The following CAMKMT variants were observed in gnomAD, a reference collection of about 807,000 sequenced individuals.
The protein encoded by CAMKMT is calmodulin-lysine N-methyltransferase.
In CAMKMT, 53 loss-of-function variants were observed where a neutral mutation model predicts 48.0. The observed-to-expected ratio is 1.10, with a 90% CI of 0.89 to 1.39. The LOEUF (loss-of-function observed/expected upper bound fraction) is 1.39. CAMKMT is among the 40% of genes most tolerant of loss of function. The probability of loss-of-function intolerance (pLI) is 0.00; values close to 1 mark genes in which losing one functional copy is unlikely to be tolerated. For missense variants in CAMKMT, 428 were observed against 402.7 expected (o/e 1.06, Z -0.54); for synonymous variants, 165 against 152.3 (o/e 1.08, Z -0.61).
intron 1 of CAMKMT, among the ~76,000 whole-genome samples, chr2:44,364,718 T>G (rs74331754): frequency 0.026 from 3,945 of 152,226 alleles, 189 homozygotes; most frequent in African/African-American, 0.091. Flanking sequence ...TAGTATTTAT[T>G]TTGTTGGTGC....
At chr2:44,447,225 G>C (rs1197222119) in intron 3 of CAMKMT, among the ~76,000 whole-genome samples, 1 of 152,200 alleles carries the variant, frequency 6.6e-6, no homozygotes, top group African/African-American at 2.4e-5. Flanking sequence ...CTAGTAAATA[G>C]AGAGAGTAGG....
intron 1 of CAMKMT, among the ~76,000 whole-genome samples, chr2:44,371,120 G>A (rs1239028639): frequency 6.6e-6 from 1 of 152,164 alleles, no homozygotes; most frequent in East Asian, 1.9e-4. Flanking sequence ...CATCAGCTGG[G>A]ATTACAGGCC....
At chr2:44,688,467 CATACATATATAT>C (rs1558797153) in intron 3 of CAMKMT, among the ~76,000 whole-genome samples, 1 of 151,686 alleles carries the variant, frequency 6.6e-6, no homozygotes, top group Non-Finnish European at 1.5e-5. Context: ...AGCCAGCTCT[CATACATATATAT>C]GTGTATATAT....
chr2:44,648,809 G>C (rs1221198085), intron 3 of CAMKMT, among the ~76,000 whole-genome samples: 1 of 152,112 alleles, frequency 6.6e-6, no homozygotes, highest in Admixed American at 6.5e-5. Context: ...ATCTCCACCA[G>C]CTTTCTCCCC....
intron 3 of CAMKMT, among the ~76,000 whole-genome samples, chr2:44,684,930 G>A (rs1356671938): frequency 6.6e-6 from 1 of 152,158 alleles, no homozygotes; most frequent in Non-Finnish European, 1.5e-5. Flanking sequence ...CTGGAGTAGA[G>A]AGACAGCATT....
At chr2:44,566,560 AC>A (rs1351988043) in intron 3 of CAMKMT, among the ~76,000 whole-genome samples, 2 of 152,174 alleles carry the variant, frequency 1.3e-5, no homozygotes, top group African/African-American at 4.8e-5. Context: ...CCATAAGGCC[AC>A]CGTGGGGGCT....
intron 3 of CAMKMT, among the ~76,000 whole-genome samples, chr2:44,623,217 T>C (rs1672292471): frequency 6.6e-6 from 1 of 152,170 alleles, no homozygotes; most frequent in South Asian, 2.1e-4. Context: ...TTATAGATTC[T>C]AGATATTAGG....
intron 3 of CAMKMT, among the ~76,000 whole-genome samples, chr2:44,414,634 T>A (rs142196129): frequency 3.3e-5 from 5 of 152,216 alleles, no homozygotes; most frequent in African/African-American, 1.2e-4. Context: ...ACTGCAGCCA[T>A]GTGGTGATCA....
Position 44,544,383 on chromosome 2 carries a change from T to G in CAMKMT, c.376+154078T>G, listed in dbSNP as rs538912210. On this transcript the variant is annotated intron_variant, in intron 3 of 10. Transcript: ENST00000378494. ...AGAGTCAATGGTTAAAGGACAAAAA[T>G]TCTACAATTGATTGAGTTACAAATG... 7.3e-4 allele frequency among the ~76,000 whole-genome samples: 111 copies of G among 152,290 alleles called. 1 individual carries two copies. The highest frequency in any genetic ancestry group is 2.6e-3 in the African/African-American group (107 of 41,572).
chr2:44,711,335 C>A (rs1677865599), intron 6 of CAMKMT, among the ~76,000 whole-genome samples: 1 of 152,274 alleles, frequency 6.6e-6, no homozygotes, highest in Admixed American at 6.5e-5. Flanking sequence ...CAATAGTGAA[C>A]AAGATAGGTC....
chr2:44,491,763 AC>A (rs1342056221), intron 3 of CAMKMT, among the ~76,000 whole-genome samples: 1 of 152,008 alleles, frequency 6.6e-6, no homozygotes, highest in East Asian at 1.9e-4. Context: ...TACCTATTGC[AC>A]CCCCTTAACC....
chr2:44,454,691 G>A (rs184979653), intron 3 of CAMKMT, among the ~76,000 whole-genome samples: 217 of 152,060 alleles, frequency 1.4e-3, no homozygotes, highest in Non-Finnish European at 2.8e-3. Context: ...CTCTTGGACG[G>A]CATAATGGCC....
intron 9 of CAMKMT, among the ~76,000 whole-genome samples, chr2:44,754,510 T>C (rs1680286305): frequency 6.6e-6 from 1 of 152,116 alleles, no homozygotes; most frequent in Admixed American, 6.5e-5. Flanking sequence ...TTCTCATTGG[T>C]TATTTATTTA....
intron 3 of CAMKMT, among the ~76,000 whole-genome samples, chr2:44,638,373 C>T (rs1673261174): frequency 6.6e-6 from 1 of 152,138 alleles, no homozygotes; most frequent in South Asian, 2.1e-4. Context: ...CTAAAAGCAA[C>T]CTTCCCTTTA....
intron 3 of CAMKMT, among the ~76,000 whole-genome samples, chr2:44,477,139 T>A (rs115501548): frequency 1.3e-5 from 2 of 152,232 alleles, no homozygotes; most frequent in Admixed American, 1.3e-4. Context: ...CCTATGTATT[T>A]AATCACTATC....
intron 3 of CAMKMT, among the ~76,000 whole-genome samples, chr2:44,410,220 G>GCTTAGCATAAACCATAAGTTGAAATGTCA (rs1453781358): frequency 2.4e-4 from 14 of 59,190 alleles, no homozygotes; most frequent in African/African-American, 9.4e-4. Context: ...TAAGTAATTA[G>GCTTAGCATAAACCATAAGTTGAAATGTCA]TCAGGTATCA....
chr2:44,770,435 T>C (rs1681055657), intron 10 of CAMKMT, among the ~76,000 whole-genome samples: 1 of 152,248 alleles, frequency 6.6e-6, no homozygotes, highest in Non-Finnish European at 1.5e-5. Flanking sequence ...ACAGAAGAAT[T>C]ATTTATCCCA....
chr2:44,642,107 A>C (rs1673481171), intron 3 of CAMKMT, among the ~76,000 whole-genome samples: 1 of 152,230 alleles, frequency 6.6e-6, no homozygotes, highest in Admixed American at 6.5e-5. Context: ...ATGGTAATGA[A>C]TATGCTATTT....
chr2:44,607,023 A>G (rs4484075), intron 3 of CAMKMT, among the ~76,000 whole-genome samples: 97,607 of 152,028 alleles, frequency 0.64, 31,825 homozygotes, highest in Middle Eastern at 0.71. Context: ...TTGTCACATA[A>G]CACCTCTAAC....
Sources: gnomAD v4.1 joint callset for allele counts (sites outside exome capture counted in the v4.1 genomes callset) on GRCh38, gnomAD v4.1.1 for gene constraint, MANE v1.5 for transcripts, NCBI Gene and HGNC (gene_info 2026-07-23, HGNC 2026-07-21) for gene names.